The following TNKS variants were observed in gnomAD, a reference collection of about 807,000 sequenced individuals.
TNKS encodes tankyrase, also known as poly [ADP-ribose] polymerase tankyrase-1.
A neutral mutation model predicts 135.8 loss-of-function variants in TNKS; 72 were observed. The observed-to-expected ratio is 0.53, with a 90% CI of 0.44 to 0.64. TNKS has a LOEUF of 0.64. TNKS is among the 30% of genes least tolerant of loss of function. TNKS has a pLI of 0.00. For synonymous variants in TNKS, 849 were observed against 649.3 expected, an observed-to-expected ratio of 1.31 and a Z score of -4.68; for missense variants, 1,769 against 1,674.0, an observed-to-expected ratio of 1.06 and a Z score of -0.99.
chr8:9,710,352 A>G, intron 11 of TNKS, 132 bp downstream of exon 11: 1 of 789,344 alleles, frequency 1.3e-6, no homozygotes, highest in Non-Finnish European at 2.1e-6. Context: ...ACTTAAATTC[A>G]TGGATTCTCC....
chr8:9,682,427 C>T lies in TNKS; in HGVS notation c.1107+1627C>T, dbSNP rs1253553165. 2.6e-5 allele frequency among the ~76,000 whole-genome samples: 4 copies of T among 152,108 alleles called. No individual in the cohort carries two copies. In the South Asian group the frequency reaches 6.2e-4, roughly 24 times the overall value. ...TGATATTTAACAAATTCTCTCTTCT[C>T]CCTGCTTCATCTCCTACACAAATGT... On this transcript the variant is annotated intron_variant, in intron 5 of 26. Transcript: ENST00000310430.
chr8:9,771,764 GA>G (rs952584568), intron 26 of TNKS, among the ~76,000 whole-genome samples: 10 of 72,360 alleles, frequency 1.4e-4, no homozygotes, highest in East Asian at 4.7e-4. Context: ...GAAGGAGAGA[GA>G]AAAAAAGGAA....
At chr8:9,562,401 C>G (rs888490282) in intron 1 of TNKS, among the ~76,000 whole-genome samples, 3 of 151,996 alleles carry the variant, frequency 2.0e-5, no homozygotes, top group African/African-American at 7.2e-5. Flanking sequence ...GAACTTTTAT[C>G]TGGCCCCAAG....
chr8:9,706,304 T>A (rs760715554), intron 7 of TNKS, 51 bp downstream of exon 7: 1 of 1,319,932 alleles, frequency 7.6e-7, no homozygotes, highest in Non-Finnish European at 1.0e-6. Flanking sequence ...TTTTTTTCTT[T>A]ACCTTGTCAT....
In TNKS at chr8:9,630,297, C is replaced by A. The variant is rs968220057; in HGVS notation, c.994+14620C>A. Among the ~76,000 whole-genome samples the A allele has an allele frequency of 2.6e-5, 4 of 152,124 alleles. No homozygotes were observed. The South Asian group carries it at 8.3e-4, about 32-fold the overall frequency. On this transcript the variant is annotated intron_variant, in intron 3 of 26. Transcript: ENST00000310430. ...CCAGTGGGTGCTTCATAGACTAGCA[C>A]TGTTATATTATAGCAGCACAACATG...
At chr8:9,648,557 T>C (rs764792453) in intron 3 of TNKS, among the ~76,000 whole-genome samples, 1 of 152,226 alleles carries the variant, frequency 6.6e-6, no homozygotes, top group South Asian at 2.1e-4. Context: ...TATTCATTTG[T>C]TATCATTTTC....
intron 2 of TNKS, among the ~76,000 whole-genome samples, chr8:9,598,729 G>GTGTCTGTGTGTC (rs1554444989): frequency 1.6e-5 from 2 of 123,508 alleles, no homozygotes; most frequent in African/African-American, 3.1e-5. Context: ...GTGTGTGTGT[G>GTGTCTGTGTGTC]TGTGTCTGTG....
intron 14 of TNKS, among the ~76,000 whole-genome samples, chr8:9,731,491 A>G (rs1387482341): frequency 1.3e-5 from 2 of 151,466 alleles, no homozygotes; most frequent in Non-Finnish European, 2.9e-5. Context: ...AAAACATAGA[A>G]ATGTACAGTA....
At chr8:9,763,313 T>A in intron 22 of TNKS, 69 bp downstream of exon 22, 1 of 1,084,682 alleles carries the variant, frequency 9.2e-7, no homozygotes, top group Non-Finnish European at 1.4e-6. Flanking sequence ...TTTCTGGAAT[T>A]AACCTCGTCT....
At position 9,615,681 on chromosome 8, in the gene TNKS, A is replaced by G; in HGVS notation, c.994+4A>G. 1 of 1,603,702 alleles carries G rather than the reference A, an allele frequency of 6.2e-7. No individual in the cohort carries two copies. The highest frequency in any genetic ancestry group is 2.2e-5 in the East Asian group (1 of 44,666). ...TCAGCAAAAGCTGTCCTTACAGGTA[A>G]GAAGACAGAGAGCTACCGAATGATT... On this transcript the variant is annotated splice_donor_region_variant and intron_variant, in intron 3 of 26. Transcript: ENST00000310430.
chr8:9,725,137 T>C (rs1356524451), intron 12 of TNKS, among the ~76,000 whole-genome samples: 6 of 152,144 alleles, frequency 3.9e-5, no homozygotes, highest in Admixed American at 6.5e-5. Flanking sequence ...TGCACACTTA[T>C]AATGGAGACT....
intron 3 of TNKS, among the ~76,000 whole-genome samples, chr8:9,616,979 A>G (rs115882185): frequency 0.011 from 1,614 of 152,226 alleles, 12 homozygotes; most frequent in African/African-American, 0.022. Context: ...GCATAGTAAC[A>G]GGGGTAGGTT....
At chr8:9,561,242 G>T (rs28700058) in intron 1 of TNKS, among the ~76,000 whole-genome samples, 3,871 of 152,268 alleles carry the variant, frequency 0.025, 106 homozygotes, top group African/African-American at 0.07. Context: ...ATCTTTTAGT[G>T]TGAAATCTGT....
chr8:9,667,695 T>A (rs1802061914), intron 3 of TNKS, among the ~76,000 whole-genome samples: 1 of 152,218 alleles, frequency 6.6e-6, no homozygotes, highest in Non-Finnish European at 1.5e-5. Flanking sequence ...AAGCACCAAT[T>A]GTGATTTACT....
intron 7 of TNKS, 50 bp downstream of exon 7, chr8:9,706,303 T>G (rs773293346): frequency 7.5e-6 from 10 of 1,337,244 alleles, no homozygotes; most frequent in Middle Eastern, 1.9e-4. Context: ...TTTTTTTTCT[T>G]TACCTTGTCA....
chr8:9,702,889 G>T (rs185373309), intron 5 of TNKS, among the ~76,000 whole-genome samples: 2 of 152,186 alleles, frequency 1.3e-5, no homozygotes, highest in East Asian at 3.9e-4. Context: ...GGTGGTGCGC[G>T]CCTGTAATCC....
chr8:9,676,107 G>T lies in TNKS; in HGVS notation c.995-3844G>T, dbSNP rs562580738. The stretch of plus-strand genomic sequence containing the variant: ...AGCTCACTGCAACCTCTGCCTCCCG[G>T]ATTCAAGAGATTCTCCTGCCTCAGC... On this transcript the variant is annotated intron_variant, in intron 3 of 26. Transcript: ENST00000310430. Among the ~76,000 whole-genome samples, 8 of 151,428 alleles carry T rather than the reference G, an allele frequency of 5.3e-5. No individual in the cohort carries two copies. In the East Asian group the frequency reaches 1.6e-3, roughly 29 times the overall value.
At chr8:9,740,823 GTTGTTTTTTT>G (rs940408476) in intron 17 of TNKS, 5 of 60,496 alleles carry the variant, frequency 8.3e-5, no homozygotes, top group African/African-American at 2.3e-4. Flanking sequence ...TGTAATTCTT[GTTGTTTTTTT>G]TTTTTTTTTT....
intron 12 of TNKS, among the ~76,000 whole-genome samples, chr8:9,721,507 T>A (rs1804879916): frequency 6.6e-6 from 1 of 151,730 alleles, no homozygotes; most frequent in African/African-American, 2.4e-5. Context: ...CCTTTTAATT[T>A]TGTCTGTGGA....
Sources: gnomAD v4.1 joint callset for allele counts (sites outside exome capture counted in the v4.1 genomes callset) on GRCh38, gnomAD v4.1.1 for gene constraint, MANE v1.5 for transcripts, NCBI Gene and HGNC (gene_info 2026-07-23, HGNC 2026-07-21) for gene names.